BCL9: variants seen among roughly 807,000 people sequenced by gnomAD.
The protein encoded by BCL9 is BCL9 transcription coactivator.
BCL9 carries 25 observed loss-of-function variants against 88.5 expected under a neutral mutation model. The ratio of observed to expected loss-of-function variants is 0.28; its 90% CI spans 0.21 to 0.39. The LOEUF (loss-of-function observed/expected upper bound fraction) is 0.39, where lower values mean the gene tolerates loss of function less well. Ranked by LOEUF, BCL9 falls within the 10% of genes least tolerant of loss-of-function variation. BCL9 has a pLI of 1.00. For missense variants in BCL9, 1,817 were observed against 1,877.8 expected (o/e 0.97, Z 0.60); for synonymous variants, 711 against 673.3 (o/e 1.06, Z -0.87).
chr1:147,592,453 G>A (rs1656885540), intron 1 of BCL9, among the ~76,000 whole-genome samples: 1 of 152,122 alleles, frequency 6.6e-6, no homozygotes, highest in Non-Finnish European at 1.5e-5. Context: ...TATTCCCTCA[G>A]TGCAGTTAGC....
chr1:147,602,530 A>G (rs782013100), intron 1 of BCL9, among the ~76,000 whole-genome samples: 21 of 152,176 alleles, frequency 1.4e-4, no homozygotes, highest in Non-Finnish European at 2.9e-4. Context: ...ATTTTAATGT[A>G]AATTTGAGAA....
intron 1 of BCL9, among the ~76,000 whole-genome samples, chr1:147,573,371 T>C (rs942651590): frequency 3.3e-5 from 5 of 152,172 alleles, no homozygotes; most frequent in Non-Finnish European, 7.4e-5. Flanking sequence ...GAGAATCACT[T>C]GAACCCAGGA....
chr1:147,599,708 C>G (rs1657251158), intron 1 of BCL9, among the ~76,000 whole-genome samples: 1 of 152,120 alleles, frequency 6.6e-6, no homozygotes, highest in Non-Finnish European at 1.5e-5. Context: ...CGGGGCGGGC[C>G]CTGGCGGGCG....
intron 1 of BCL9, among the ~76,000 whole-genome samples, chr1:147,581,182 A>G (rs1216296591): frequency 2.0e-5 from 3 of 152,206 alleles, no homozygotes; most frequent in Non-Finnish European, 2.9e-5. Flanking sequence ...AATTGCTTAG[A>G]TAACACTGGG....
intron 9 of BCL9, 92 bp downstream of exon 9, chr1:147,622,623 G>A: frequency 6.7e-7 from 1 of 1,482,680 alleles, no homozygotes; most frequent in South Asian, 1.3e-5. Context: ...ACCTGAATAG[G>A]TGGAAGTTCA....
intron 1 of BCL9, among the ~76,000 whole-genome samples, chr1:147,560,046 A>G (rs1553195900): frequency 6.6e-6 from 1 of 152,204 alleles, no homozygotes; most frequent in East Asian, 1.9e-4. Flanking sequence ...CAGAGTAAGT[A>G]CAGACTGTTG....
intron 1 of BCL9, among the ~76,000 whole-genome samples, chr1:147,545,799 A>C (rs1553194203): frequency 6.6e-6 from 1 of 152,212 alleles, no homozygotes. Context: ...ATTTTAATGC[A>C]CTTTAAAATA....
intron 4 of BCL9, 95 bp downstream of exon 4, chr1:147,611,984 A>G: frequency 7.6e-7 from 1 of 1,321,120 alleles, no homozygotes; most frequent in South Asian, 1.2e-5. Flanking sequence ...TTGAATTAGA[A>G]ATAAATGAAA....
chr1:147,563,271 C>T lies in BCL9; in HGVS notation c.-478+21597C>T, dbSNP rs931526334. 6.6e-5 allele frequency among the ~76,000 whole-genome samples: 10 copies of T among 152,268 alleles called. No individual in the cohort carries two copies. The South Asian group carries it at 1.0e-3, about 16-fold the overall frequency. On this transcript the variant is annotated intron_variant, in intron 1 of 9. Coordinates refer to ENST00000234739, the MANE Select transcript of BCL9 (RefSeq NM_004326.4). ...ATTTATTTGTTTACTTTGTTTATGTCGGCTCCTCTTCACCAAAAGTAAGCC... is the reference window on the plus strand; with the variant it reads ...ATTTATTTGTTTACTTTGTTTATGTTGGCTCCTCTTCACCAAAAGTAAGCC...
At chr1:147,570,967 TA>T (rs1291612223) in intron 1 of BCL9, among the ~76,000 whole-genome samples, 2 of 152,048 alleles carry the variant, frequency 1.3e-5, no homozygotes, top group Non-Finnish European at 2.9e-5. Context: ...CTTTTCCTTT[TA>T]TTTTTTTTGA....
At chr1:147,561,212 A>G (rs1553196065) in intron 1 of BCL9, among the ~76,000 whole-genome samples, 2 of 152,254 alleles carry the variant, frequency 1.3e-5, no homozygotes, top group African/African-American at 4.8e-5. Context: ...TCTCAAAAGA[A>G]ACTGCTCAAC....
chr1:147,582,483 T>C (rs1257251058), intron 1 of BCL9, among the ~76,000 whole-genome samples: 1 of 152,238 alleles, frequency 6.6e-6, no homozygotes, highest in Non-Finnish European at 1.5e-5. Flanking sequence ...TAAAAGCCTC[T>C]TGCTATTAGT....
Position 147,620,683 on chromosome 1 carries a change from G to A in BCL9, c.2528G>A (p.Arg843Gln), listed in dbSNP as rs782249357. ...TAPPVQRGLG[R>Q]KPLDISVAGS... ...CCTCCAGTTCAGCGCGGCCTGGGGC[G>A]GAAGCCCTTGGATATATCTGTGGCA... The change falls in exon 8 of 10, where the codon CGG (arginine) becomes CAG (glutamine). Residue 843 changes from arginine to glutamine, a missense_variant. Arg to Gln is a conservative substitution (Grantham distance 43). Around this residue, in one of 2 missense-constraint regions of BCL9, gnomAD observed 1,228 missense variants for 1,191.6 expected, o/e 1.03. Coordinates refer to ENST00000234739, the MANE Select transcript of BCL9 (RefSeq NM_004326.4). The A allele has an allele frequency of 4.1e-5, 66 of 1,614,194 alleles. No individual in the cohort carries two copies. The highest frequency in any genetic ancestry group is 1.8e-4 in the East Asian group (8 of 44,884).
At chr1:147,603,669 T>G (rs1553201621) in intron 1 of BCL9, among the ~76,000 whole-genome samples, 2 of 15,634 alleles carry the variant, frequency 1.3e-4, no homozygotes, top group African/African-American at 3.2e-4. Flanking sequence ...GCCCAGCTAA[T>G]TTTTGTAAAT....
At chr1:147,612,724 CAG>C (rs71682661) in intron 4 of BCL9, among the ~76,000 whole-genome samples, 157 bp from the exon 5 acceptor site, 2,560 of 152,196 alleles carry the variant, frequency 0.017, 89 homozygotes, top group African/African-American at 0.058. Flanking sequence ...GAGATGGGAT[CAG>C]GGGTGGCGGG....
At chr1:147,574,050 C>A (rs1304705244) in intron 1 of BCL9, among the ~76,000 whole-genome samples, 1 of 152,122 alleles carries the variant, frequency 6.6e-6, no homozygotes, top group Non-Finnish European at 1.5e-5. Context: ...CCTCTTTAAT[C>A]CTCACAGAAT....
intron 1 of BCL9, among the ~76,000 whole-genome samples, chr1:147,555,958 A>G (rs1430484885): frequency 1.3e-5 from 2 of 152,228 alleles, no homozygotes; most frequent in Non-Finnish European, 2.9e-5. Context: ...AATAGGAAGA[A>G]GTAGCACAAA....
At chr1:147,596,402 C>CCT (rs1553200479) in intron 1 of BCL9, among the ~76,000 whole-genome samples, 2 of 138,690 alleles carry the variant, frequency 1.4e-5, no homozygotes, top group South Asian at 2.2e-4. Flanking sequence ...GATTGACTTT[C>CCT]TTTTTTTTCT....
intron 1 of BCL9, among the ~76,000 whole-genome samples, chr1:147,570,653 TAGA>T (rs1655845172): frequency 1.6e-4 from 8 of 51,244 alleles, no homozygotes; most frequent in African/African-American, 3.0e-4. Context: ...TTTTTTTTTG[TAGA>T]TGGAGTTTTG....
Sources: allele counts gnomAD v4.1 joint callset (sites outside exome capture counted in the v4.1 genomes callset), GRCh38; gene constraint gnomAD v4.1.1; regional missense constraint gnomAD v4.1.1; transcripts MANE v1.5; gene names NCBI Gene and HGNC (gene_info 2026-07-23, HGNC 2026-07-21).